The following NIBAN1 variants were observed in gnomAD, a reference collection of about 807,000 sequenced individuals.
NIBAN1 encodes the protein protein Niban 1.
NIBAN1 carries 81 observed loss-of-function variants against 75.1 expected under a neutral mutation model. The observed-to-expected ratio is 1.08, with a 90% CI of 0.90 to 1.30. The LOEUF is 1.30. NIBAN1 is among the 50% of genes most tolerant of loss of function. NIBAN1 has a pLI of 0.00. For synonymous variants in NIBAN1, 436 were observed against 424.8 expected, an observed-to-expected ratio of 1.03 and a Z score of -0.32; for missense variants, 1,133 against 1,128.1, an observed-to-expected ratio of 1.00 and a Z score of -0.06.
At chr1:184,816,396 C>A (rs1251818670) in intron 9 of NIBAN1, among the ~76,000 whole-genome samples, 2 of 152,168 alleles carry the variant, frequency 1.3e-5, no homozygotes, top group Non-Finnish European at 2.9e-5. Flanking sequence ...CATGCTGAGA[C>A]CAGAAACCCA....
At chr1:184,815,493 A>T (rs866370918) in intron 9 of NIBAN1, among the ~76,000 whole-genome samples, 17 of 152,208 alleles carry the variant, frequency 1.1e-4, no homozygotes, top group African/African-American at 3.9e-4. Context: ...AGAAGATGAC[A>T]TCCTTGATGT....
chr1:184,912,335 C>T (rs1657262910), intron 1 of NIBAN1, among the ~76,000 whole-genome samples: 1 of 152,132 alleles, frequency 6.6e-6, no homozygotes. Context: ...CACGAATCTC[C>T]TGGTGCATAT....
Position 184,803,603 on chromosome 1 carries a change from C to T in NIBAN1, c.1536G>A (p.Leu512=), listed in dbSNP as rs1309785678. 1 of 1,614,158 alleles carries T rather than the reference C, an allele frequency of 6.2e-7. No homozygotes were observed. The highest frequency in any genetic ancestry group is 8.5e-7 in the Non-Finnish European group (1 of 1,179,986). The stretch of plus-strand genomic sequence containing the variant: ...CCCTTACTGGTTTGCATGTGGACGC[C>T]AGTGCCTTCTGCACAGTGGGAAGTG... ...QITLPTVQKA[L]ASTCKPELQK... is the part of the protein sequence containing the mutation. Residue 512 remains leucine, a synonymous_variant, in exon 12 of 14, where the codon CTG becomes CTA. Coordinates refer to ENST00000367511, the MANE Select transcript of NIBAN1 (RefSeq NM_052966.4).
At chr1:184,932,656 A>G (rs1049341066) in intron 1 of NIBAN1, among the ~76,000 whole-genome samples, 14 of 152,334 alleles carry the variant, frequency 9.2e-5, no homozygotes, top group African/African-American at 3.4e-4. Context: ...CTGGTCTAGA[A>G]CACATGGAAA....
chr1:184,891,265 C>T (rs557855008), intron 3 of NIBAN1, among the ~76,000 whole-genome samples: 4 of 152,202 alleles, frequency 2.6e-5, no homozygotes, highest in South Asian at 2.1e-4. Flanking sequence ...CTAAGAAAGA[C>T]GATTGGAGGA....
rs1466155246 is a variant in NIBAN1, at chr1:184,795,721, T to A, written c.2043A>T (p.Ser681=). ...GGGTCCCTCCAAACTCCAGCTCTGATGAGCATGTGCCCGGGAGTCCTGCTG... is the reference window on the plus strand; with the variant it reads ...GGGTCCCTCCAAACTCCAGCTCTGAAGAGCATGTGCCCGGGAGTCCTGCTG... ...EDTAGLPGTC[S]SELEFGGTLE... is the part of the protein sequence containing the mutation. The change falls in exon 14 of 14, where the codon TCA becomes TCT. Residue 681 remains serine, a synonymous_variant. Transcript: ENST00000367511. 1.2e-6 allele frequency: 2 copies of A among 1,613,492 alleles called. No homozygotes were observed. Among genetic ancestry groups the A allele is most frequent in the East Asian group, 2.2e-5 (1 of 44,890 alleles).
chr1:184,868,153 T>C (rs1223327974), intron 5 of NIBAN1: 1 of 622,654 alleles, frequency 1.6e-6, no homozygotes, highest in Non-Finnish European at 2.0e-6. Flanking sequence ...CCTTCTTTTT[T>C]ACCTCCTTTT....
chr1:184,949,895 T>C (rs1247422154), intron 1 of NIBAN1, among the ~76,000 whole-genome samples: 1 of 152,152 alleles, frequency 6.6e-6, no homozygotes, highest in Non-Finnish European at 1.5e-5. Flanking sequence ...GTCCCTGCTC[T>C]GTCACAGACC....
At position 184,899,195 on chromosome 1, in the gene NIBAN1, T is replaced by C; in HGVS notation, c.170A>G (p.Gln57Arg). ...ATGGCTTACCTTGGTCTTCAAAAAC[T>C]GTGACGTTAAATCTCTTTGCTGTTC... ...EVEQQRDLTS[Q>R]FLKTKPPLAP... Residue 57 changes from glutamine (Q) to arginine (R), a missense_variant, in exon 2 of 14, where the codon CAG (glutamine) becomes CGG (arginine). By Grantham distance (43) the Gln-to-Arg change is conservative. Coordinates refer to ENST00000367511, the MANE Select transcript of NIBAN1 (RefSeq NM_052966.4). The C allele has an allele frequency of 6.2e-7, 1 of 1,613,892 alleles. No homozygotes were observed.
chr1:184,829,218 G>A (rs1654928040), intron 6 of NIBAN1, among the ~76,000 whole-genome samples: 2 of 152,066 alleles, frequency 1.3e-5, no homozygotes, highest in African/African-American at 4.8e-5. Context: ...AAAACTAGGA[G>A]CTTACTATGA....
At chr1:184,911,090 C>CACATAT (rs528646659) in intron 1 of NIBAN1, among the ~76,000 whole-genome samples, 1 of 150,568 alleles carries the variant, frequency 6.6e-6, no homozygotes, top group African/African-American at 2.4e-5. Flanking sequence ...CACACACACA[C>CACATAT]ATATATATAT....
At chr1:184,851,979 G>A (rs920061125) in intron 5 of NIBAN1, among the ~76,000 whole-genome samples, 1 of 151,976 alleles carries the variant, frequency 6.6e-6, no homozygotes, top group Non-Finnish European at 1.5e-5. Flanking sequence ...AGCCCAGCAC[G>A]CGCCACAGTC....
At position 184,902,239 on chromosome 1, in the gene NIBAN1, A is replaced by T. The variant is rs184890494; in HGVS notation, c.56-2930T>A. 2.4e-4 allele frequency among the ~76,000 whole-genome samples: 37 copies of T among 151,476 alleles called. No homozygotes were observed. The East Asian group carries it at 6.8e-3, about 28-fold the overall frequency. On this transcript the variant is annotated intron_variant, in intron 1 of 13. Transcript: ENST00000367511. Reference sequence around the variant, plus strand: ...CAGAGCAAGACCCCACCTCTAATTTAAAAAAAAATAGTCTGATGTTGGAGC... The same window carrying T: ...CAGAGCAAGACCCCACCTCTAATTTTAAAAAAAATAGTCTGATGTTGGAGC...
intron 1 of NIBAN1, among the ~76,000 whole-genome samples, chr1:184,973,230 G>A (rs1007509931): frequency 6.6e-6 from 1 of 152,240 alleles, no homozygotes; most frequent in Admixed American, 6.5e-5. Flanking sequence ...GCAGGAATCT[G>A]TAAAATCAGC....
At chr1:184,801,563 G>T (rs537491093) in intron 12 of NIBAN1, among the ~76,000 whole-genome samples, 1 of 152,244 alleles carries the variant, frequency 6.6e-6, no homozygotes, top group African/African-American at 2.4e-5. Context: ...CATCCCTCAG[G>T]ACTGGGTGAA....
At chr1:184,839,330 A>AAGATCTCAAATTTGAGATTATCTCAAATT (rs1345508321) in intron 5 of NIBAN1, among the ~76,000 whole-genome samples, 3 of 152,214 alleles carry the variant, frequency 2.0e-5, no homozygotes, top group Non-Finnish European at 4.4e-5. Context: ...TATCTCAAAT[A>AAGATCTCAAATTTGAGATTATCTCAAATT]AGATCTCAAA....
At chr1:184,973,207 C>T (rs1456289635) in intron 1 of NIBAN1, among the ~76,000 whole-genome samples, 1 of 152,202 alleles carries the variant, frequency 6.6e-6, no homozygotes, top group Admixed American at 6.5e-5. Context: ...CTTTTACCTC[C>T]AAAAGCACCA....
At chr1:184,966,801 T>C (rs1001322015) in intron 1 of NIBAN1, among the ~76,000 whole-genome samples, 17 of 152,172 alleles carry the variant, frequency 1.1e-4, no homozygotes, top group African/African-American at 4.1e-4. Context: ...AAAAACCACA[T>C]GGTTTGGCAT....
At chr1:184,905,373 T>C (rs1489647388) in intron 1 of NIBAN1, among the ~76,000 whole-genome samples, 1 of 152,184 alleles carries the variant, frequency 6.6e-6, no homozygotes, top group East Asian at 1.9e-4. Context: ...TGACTTGTCC[T>C]GGACTGGCAG....
Sources: gnomAD v4.1 joint callset for allele counts (sites outside exome capture counted in the v4.1 genomes callset) on GRCh38, gnomAD v4.1.1 for gene constraint, MANE v1.5 for transcripts, NCBI Gene and HGNC (gene_info 2026-07-23, HGNC 2026-07-21) for gene names.